Variants in SLC24A3 observed in about 807,000 individuals in gnomAD.
SLC24A3 encodes solute carrier family 24 member 3.
Under a neutral mutation model 75.8 loss-of-function variants are expected in SLC24A3, and 28 were observed. That is an observed-to-expected ratio of 0.37 (90% confidence interval 0.27 to 0.51). The LOEUF (loss-of-function observed/expected upper bound fraction) is 0.51, where lower values mean the gene tolerates loss of function less well. SLC24A3 is among the 20% of genes least tolerant of loss of function. The probability of loss-of-function intolerance (pLI) is 0.94; values close to 1 mark genes in which losing one functional copy is unlikely to be tolerated. For missense variants in SLC24A3, 663 were observed against 847.8 expected (o/e 0.78, Z 2.71); for synonymous variants, 372 against 334.1 (o/e 1.11, Z -1.24).
intron 2 of SLC24A3, among the ~76,000 whole-genome samples, chr20:19,489,618 C>T (rs1281250445): frequency 6.6e-6 from 1 of 152,138 alleles, no homozygotes; most frequent in African/African-American, 2.4e-5. Flanking sequence ...TTGGGACATT[C>T]CAGTATATGA....
intron 3 of SLC24A3, among the ~76,000 whole-genome samples, chr20:19,517,044 C>G (rs1370673029): frequency 6.6e-6 from 1 of 152,190 alleles, no homozygotes; most frequent in East Asian, 1.9e-4. Flanking sequence ...CATGAAAAGT[C>G]TCTTTTCTAC....
rs554915743 is a variant in SLC24A3, at chr20:19,389,250, G to A, written c.271+108163G>A. ...TAACTGTTACACTGGAACTAAAAGTGATTTATACACCACTAGTACAATATT... is the reference window on the plus strand; with the variant it reads ...TAACTGTTACACTGGAACTAAAAGTAATTTATACACCACTAGTACAATATT... On this transcript the variant is annotated intron_variant, in intron 2 of 16. Transcript: ENST00000328041. Among the ~76,000 whole-genome samples, 17 of 152,158 alleles carry A rather than the reference G, an allele frequency of 1.1e-4. No homozygotes were observed. In the East Asian group the frequency reaches 1.2e-3, roughly 10 times the overall value.
intron 2 of SLC24A3, among the ~76,000 whole-genome samples, chr20:19,324,791 C>A (rs1268270898): frequency 6.6e-6 from 1 of 152,216 alleles, no homozygotes; most frequent in African/African-American, 2.4e-5. Flanking sequence ...TATTGTGACA[C>A]ATGCCGTCCT....
At chr20:19,341,295 T>G (rs866543383) in intron 2 of SLC24A3, among the ~76,000 whole-genome samples, 3 of 152,308 alleles carry the variant, frequency 2.0e-5, no homozygotes, top group South Asian at 4.1e-4. Flanking sequence ...AAGCCATTCC[T>G]AAAATACAGA....
Position 19,665,852 on chromosome 20 carries a change from A to T in SLC24A3, c.688-12A>T. ...GTGTGTCTAATCTTCTATTCTTTTT[A>T]TTTTTTCACAGTTTATTTATGATGA... On this transcript the variant is annotated splice_polypyrimidine_tract_variant and intron_variant, in intron 7 of 16. Coordinates refer to ENST00000328041, the MANE Select transcript of SLC24A3 (RefSeq NM_020689.4). The T allele has an allele frequency of 1.3e-6, 2 of 1,572,508 alleles. No homozygotes were observed. Among genetic ancestry groups the T allele is most frequent in the Non-Finnish European group, 8.6e-7 (1 of 1,159,076 alleles).
intron 9 of SLC24A3, among the ~76,000 whole-genome samples, chr20:19,675,620 G>A (rs2032513297): frequency 6.6e-6 from 1 of 152,190 alleles, no homozygotes; most frequent in Admixed American, 6.5e-5. Flanking sequence ...AGTGGAGAAG[G>A]GCATTCCTAG....
intron 15 of SLC24A3, among the ~76,000 whole-genome samples, chr20:19,701,659 C>T (rs1182149355): frequency 2.6e-5 from 4 of 152,148 alleles, no homozygotes; most frequent in African/African-American, 9.7e-5. Context: ...GTCTGATGAA[C>T]CCGTTGGCAG....
At chr20:19,360,977 C>T in intron 2 of SLC24A3, among the ~76,000 whole-genome samples, 1 of 152,156 alleles carries the variant, frequency 6.6e-6, no homozygotes, top group Non-Finnish European at 1.5e-5. Context: ...CAGGTGCCCG[C>T]CACCATGCCT....
At chr20:19,470,029 C>T (rs538848906) in intron 2 of SLC24A3, among the ~76,000 whole-genome samples, 1 of 152,334 alleles carries the variant, frequency 6.6e-6, no homozygotes, top group African/African-American at 2.4e-5. Flanking sequence ...GAACCGCCGG[C>T]AAGCTCAGGT....
chr20:19,494,269 G>C (rs2122534005), intron 2 of SLC24A3, among the ~76,000 whole-genome samples: 1 of 152,336 alleles, frequency 6.6e-6, no homozygotes, highest in South Asian at 2.1e-4. Flanking sequence ...TCCTTGTGAT[G>C]AAGGAGAGCA....
At chr20:19,471,436 G>A (rs1442214933) in intron 2 of SLC24A3, among the ~76,000 whole-genome samples, 1 of 152,198 alleles carries the variant, frequency 6.6e-6, no homozygotes, top group Non-Finnish European at 1.5e-5. Context: ...TGCACTGGAA[G>A]CTGGAAAGCC....
At position 19,596,616 on chromosome 20, in the gene SLC24A3, C is replaced by T. The variant is rs569068612; in HGVS notation, c.612+11072C>T. Among the ~76,000 whole-genome samples, 57 of 152,280 alleles carry T rather than the reference C, an allele frequency of 3.7e-4. No individual in the cohort carries two copies. The South Asian group carries it at 5.4e-3, about 14-fold the overall frequency. On this transcript the variant is annotated intron_variant, in intron 6 of 16. Coordinates refer to ENST00000328041, the MANE Select transcript of SLC24A3 (RefSeq NM_020689.4). ...ACTGGCCCTGCCCAACCTCCTGAGC[C>T]GCCCAACCCTCTTACAGTCACAGCT...
chr20:19,333,622 A>AGTGT (rs11471787), intron 2 of SLC24A3, among the ~76,000 whole-genome samples: 177 of 149,756 alleles, frequency 1.2e-3, no homozygotes, highest in Middle Eastern at 6.8e-3. Flanking sequence ...CAGTCTTGCT[A>AGTGT]GTGTGTGTGT....
intron 2 of SLC24A3, among the ~76,000 whole-genome samples, chr20:19,456,554 A>C (rs1168320210): frequency 6.6e-6 from 1 of 152,202 alleles, no homozygotes; most frequent in Non-Finnish European, 1.5e-5. Context: ...AAACCTCTTC[A>C]TTTTGTAAAT....
At chr20:19,484,266 A>AT (rs1988098076) in intron 2 of SLC24A3, among the ~76,000 whole-genome samples, 1 of 152,178 alleles carries the variant, frequency 6.6e-6, no homozygotes, top group Non-Finnish European at 1.5e-5. Context: ...TTTATGTTTT[A>AT]TATGCACCTT....
rs759569146 is a variant in SLC24A3 at position 19,667,927 on chromosome 20, G to A, written c.713+2038G>A. On this transcript the variant is annotated intron_variant, in intron 8 of 16. Transcript: ENST00000328041. The stretch of plus-strand genomic sequence containing the variant: ...GAAGGTACAAGTCATCAGAGCCCTC[G>A]CCCTGAGCACCGAGGCTCCCTCTCA... Among the ~76,000 whole-genome samples the A allele has an allele frequency of 3.3e-5, 5 of 152,272 alleles. No individual in the cohort carries two copies. The South Asian group carries it at 6.2e-4, about 19-fold the overall frequency.
chr20:19,253,697 A>G (rs995860982), intron 1 of SLC24A3, among the ~76,000 whole-genome samples: 5 of 152,168 alleles, frequency 3.3e-5, no homozygotes, highest in Admixed American at 6.5e-5. Flanking sequence ...ATGAGAACCT[A>G]TTGTGGGCCT....
intron 3 of SLC24A3, among the ~76,000 whole-genome samples, chr20:19,569,003 A>G (rs1600284135): frequency 6.6e-6 from 1 of 152,172 alleles, no homozygotes; most frequent in East Asian, 1.9e-4. Context: ...AAGAAAACGA[A>G]TACATAAGCT....
chr20:19,609,044 A>G (rs2031636152), intron 6 of SLC24A3, among the ~76,000 whole-genome samples: 1 of 152,218 alleles, frequency 6.6e-6, no homozygotes, highest in South Asian at 2.1e-4. Flanking sequence ...GGCTCCTGCA[A>G]TTGAGGAAGA....
Sources: allele counts gnomAD v4.1 joint callset (sites outside exome capture counted in the v4.1 genomes callset), GRCh38; gene constraint gnomAD v4.1.1; transcripts MANE v1.5; gene names NCBI Gene and HGNC (gene_info 2026-07-23, HGNC 2026-07-21).